ALDH7A1: variants seen among roughly 807,000 people sequenced by gnomAD.
ALDH7A1 encodes alpha-aminoadipic semialdehyde dehydrogenase.
A neutral mutation model predicts 79.9 loss-of-function variants in ALDH7A1; 63 were observed. The observed-to-expected ratio is 0.79, with a 90% CI of 0.64 to 0.97. The LOEUF (loss-of-function observed/expected upper bound fraction) is 0.97, where lower values mean the gene tolerates loss of function less well. ALDH7A1 is among the 50% of genes least tolerant of loss of function. The probability of loss-of-function intolerance (pLI) is 0.00; values close to 1 mark genes in which losing one functional copy is unlikely to be tolerated. For missense variants in ALDH7A1, 627 were observed against 665.2 expected (o/e 0.94, Z 0.63); for synonymous variants, 240 against 231.2 (o/e 1.04, Z -0.34).
chr5:126,593,276 C>G (rs1306940301), intron 2 of ALDH7A1, 75 bp downstream of exon 2: 1 of 1,585,538 alleles, frequency 6.3e-7, no homozygotes, highest in Non-Finnish European at 8.6e-7. Flanking sequence ...TAAAGAAAGC[C>G]TGCACAAACT....
intron 10 of ALDH7A1, among the ~76,000 whole-genome samples, chr5:126,560,771 C>T (rs751363407): frequency 3.9e-5 from 6 of 152,024 alleles, no homozygotes. Flanking sequence ...AGAAATGTGG[C>T]CAGTTTTCAG....
In ALDH7A1 at chr5:126,595,200, C is replaced by A. The variant is rs763823758; in HGVS notation, c.-2G>T. 6.4e-7 allele frequency: 1 copy of A among 1,551,776 alleles called. No individual in the cohort carries two copies. Among genetic ancestry groups the A allele is most frequent in the African/African-American group, 1.4e-5 (1 of 73,054 alleles). On this transcript the variant is annotated 5_prime_UTR_variant, in exon 1 of 18. Coordinates refer to ENST00000409134, the MANE Select transcript of ALDH7A1 (RefSeq NM_001182.5). ...CAGCGCGCGAGGAAGGCGCCACATA[C>A]TGAGCCCGGGACTCGGGATGAGCCC...
chr5:126,568,504 C>T (rs1750669004), intron 8 of ALDH7A1, 148 bp from the exon 9 acceptor site: 1 of 730,604 alleles, frequency 1.4e-6, no homozygotes, highest in Non-Finnish European at 2.4e-6. Flanking sequence ...GGAAGGTCTT[C>T]ATGAGAAGGA....
At chr5:126,547,654 G>A (rs1449555178) in intron 16 of ALDH7A1, among the ~76,000 whole-genome samples, 4 of 152,028 alleles carry the variant, frequency 2.6e-5, no homozygotes, top group Admixed American at 2.6e-4. Context: ...CATAATAGAG[G>A]GTCAATACAT....
chr5:126,544,468 T>C lies in ALDH7A1; in HGVS notation c.*497A>G, dbSNP rs1043290963. ...GTTATTCCACATGAATACTGAACTGTGGTCCAAGCATACAGGGGAATGCAT... is the reference window on the plus strand; with the variant it reads ...GTTATTCCACATGAATACTGAACTGCGGTCCAAGCATACAGGGGAATGCAT... On this transcript the variant is annotated 3_prime_UTR_variant, in exon 18 of 18. Transcript: ENST00000409134. The C allele has an allele frequency of 1.1e-5, 2 of 181,458 alleles. No individual in the cohort carries two copies. Among genetic ancestry groups the C allele is most frequent in the Non-Finnish European group, 2.3e-5 (2 of 85,752 alleles). The allele number at this position is 181,458 out of a possible 1,614,324, so 11.2% of individuals were successfully genotyped here. A position where few individuals can be genotyped will look rare whatever the true frequency, so the allele number is the denominator to read the frequency against.
At chr5:126,566,715 A>C (rs1056329310) in intron 9 of ALDH7A1, among the ~76,000 whole-genome samples, 1 of 152,234 alleles carries the variant, frequency 6.6e-6, no homozygotes, top group East Asian at 1.9e-4. Context: ...GCATATGGAT[A>C]CATATGGATC....
At chr5:126,565,057 T>C (rs1459641022) in intron 9 of ALDH7A1, among the ~76,000 whole-genome samples, 2 of 152,178 alleles carry the variant, frequency 1.3e-5, no homozygotes, top group African/African-American at 4.8e-5. Context: ...CTCGTGGGAC[T>C]AATGATGTTG....
Position 126,577,110 on chromosome 5 carries a change from T to C in ALDH7A1, c.619A>G (p.Ile207Val), listed in dbSNP as rs777670051. The C allele has an allele frequency of 5.6e-6, 9 of 1,614,152 alleles. No homozygotes were observed. Among genetic ancestry groups the C allele is most frequent in the Non-Finnish European group, 7.6e-6 (9 of 1,180,020 alleles). The stretch of plus-strand genomic sequence containing the variant: ...CAGACATTTCCACAGATCATGGCGA[T>C]GGCGTTGTTCCAACCATACACTGCC... ...PVAVYGWNNA[I>V]AMICGNVCLW... Residue 207 changes from isoleucine to valine, a missense_variant, in exon 6 of 18, where the codon ATC becomes GTC. Transcript: ENST00000409134.
chr5:126,578,662 AAAG>A (rs1285477817), intron 5 of ALDH7A1, among the ~76,000 whole-genome samples: 1 of 150,910 alleles, frequency 6.6e-6, no homozygotes, highest in East Asian at 1.9e-4. Context: ...AAAAGAAAGA[AAAG>A]AAAAGAAAAA....
At chr5:126,561,483 AGTGTGTGT>A (rs57059063) in intron 9 of ALDH7A1, 7,371 of 154,402 alleles carry the variant, frequency 0.048, 469 homozygotes, top group African/African-American at 0.14. Flanking sequence ...GCACCCACAG[AGTGTGTGT>A]GTGTGTGTGT....
In ALDH7A1 at chr5:126,549,171, G is replaced by A. The variant is rs1021478963; in HGVS notation, c.1489+758C>T. ...TAAATTAGTACAAAAGGAGAAGATAGACACTCATGCATTCAGGCAACTGCA... is the reference window on the plus strand; with the variant it reads ...TAAATTAGTACAAAAGGAGAAGATAAACACTCATGCATTCAGGCAACTGCA... On this transcript the variant is annotated intron_variant, in intron 16 of 17. Transcript: ENST00000409134. Among the ~76,000 whole-genome samples the A allele has an allele frequency of 2.0e-5, 3 of 150,748 alleles. No individual in the cohort carries two copies. The East Asian group carries it at 5.9e-4, about 30-fold the overall frequency.
rs370442664 is a variant in ALDH7A1, at chr5:126,542,459, T to C, written c.*2506A>G. ...CAGGAGGATCGCTTGAGGCCACAAG[T>C]TCAAGACGAGCATGAGCAATGTAGT... On this transcript the variant is annotated 3_prime_UTR_variant, in exon 18 of 18. Coordinates refer to ENST00000409134, the MANE Select transcript of ALDH7A1 (RefSeq NM_001182.5). The C allele has an allele frequency of 6.1e-4, 93 of 152,226 alleles. No individual in the cohort carries two copies. Among genetic ancestry groups the C allele is most frequent in the African/African-American group, 2.1e-3 (89 of 41,480 alleles). The allele number at this position is 152,226 out of a possible 1,614,324, so 9.4% of individuals were successfully genotyped here.
chr5:126,582,697 T>C (rs1339694764), intron 5 of ALDH7A1, 154 bp downstream of exon 5: 2 of 925,202 alleles, frequency 2.2e-6, no homozygotes, highest in Non-Finnish European at 3.3e-6. Context: ...TCATCTGTTT[T>C]AATTTGCATT....
intron 1 of ALDH7A1, chr5:126,593,773 C>A: frequency 2.9e-6 from 1 of 343,616 alleles, no homozygotes; most frequent in South Asian, 2.9e-5. Flanking sequence ...ATGAAATGGC[C>A]AAGGCAGGAA....
intron 11 of ALDH7A1, among the ~76,000 whole-genome samples, chr5:126,557,711 T>A (rs541867824): frequency 6.6e-6 from 1 of 152,210 alleles, no homozygotes; most frequent in Admixed American, 6.5e-5. Context: ...ACACTCAATA[T>A]GAATGAGAGC....
chr5:126,591,925 C>T (rs941061688), intron 3 of ALDH7A1: 2 of 148,638 alleles, frequency 1.3e-5, no homozygotes, highest in East Asian at 3.9e-4. Flanking sequence ...GCTGCCACTG[C>T]TCTTTTTTTT....
intron 9 of ALDH7A1, among the ~76,000 whole-genome samples, chr5:126,563,547 T>C (rs1750470551): frequency 6.6e-6 from 1 of 152,168 alleles, no homozygotes; most frequent in Non-Finnish European, 1.5e-5. Context: ...TGGAGTGCAG[T>C]GGCGTGATCT....
rs1751216977 is a variant in ALDH7A1, at chr5:126,582,685, T to A, written c.517+166A>T. ...AACAAAAAGGTTCTTGATCTAACAT[T>A]TTCATCTGTTTTAATTTGCATTTCT... On this transcript the variant is annotated intron_variant, in intron 5 of 17. Transcript: ENST00000409134. 3 of 841,724 alleles carry A rather than the reference T, an allele frequency of 3.6e-6. No homozygotes were observed. In the African/African-American group the frequency reaches 5.2e-5, roughly 15 times the overall value. The allele number at this position is 841,724 out of a possible 1,614,324, so 52.1% of individuals were successfully genotyped here. A position where few individuals can be genotyped will look rare whatever the true frequency, so the allele number is the denominator to read the frequency against.
chr5:126,557,277 TG>T (rs1750227103), intron 11 of ALDH7A1, among the ~76,000 whole-genome samples: 1 of 152,138 alleles, frequency 6.6e-6, no homozygotes, highest in Non-Finnish European at 1.5e-5. Context: ...GCAAAACACC[TG>T]AAAAAACAAA....
Sources: allele counts gnomAD v4.1 joint callset (sites outside exome capture counted in the v4.1 genomes callset), GRCh38; gene constraint gnomAD v4.1.1; transcripts MANE v1.5; gene names NCBI Gene and HGNC (gene_info 2026-07-23, HGNC 2026-07-21).